The following FER1L6 variants were observed in gnomAD, a reference collection of about 807,000 sequenced individuals.
The protein encoded by FER1L6 is fer-1-like protein 6.
FER1L6 carries 177 observed loss-of-function variants against 219.2 expected under a neutral mutation model. The observed-to-expected ratio is 0.81, with a 90% confidence interval of 0.71 to 0.91. FER1L6 has a LOEUF of 0.91. FER1L6 is among the 40% of genes least tolerant of loss of function. FER1L6 has a pLI of 0.00. For missense variants in FER1L6, 2,153 were observed against 2,259.9 expected (o/e 0.95, Z 0.96); for synonymous variants, 768 against 824.3 (o/e 0.93, Z 1.17).
intron 1 of FER1L6, among the ~76,000 whole-genome samples, chr8:123,864,110 G>A (rs1484236714): frequency 5.0e-4 from 75 of 149,154 alleles, no homozygotes; most frequent in Non-Finnish European, 8.6e-4. Context: ...ATTTTGCAGC[G>A]GCTGGTACCG....
At chr8:123,977,751 G>T in intron 10 of FER1L6, 142 bp downstream of exon 10, 2 of 731,490 alleles carry the variant, frequency 2.7e-6, no homozygotes, top group South Asian at 3.7e-5. Flanking sequence ...ATTTTTCCAT[G>T]AATGGGTTGG....
At chr8:123,860,822 G>A (rs1816732802) in intron 1 of FER1L6, among the ~76,000 whole-genome samples, 1 of 134,018 alleles carries the variant, frequency 7.5e-6, no homozygotes, top group African/African-American at 3.1e-5. Context: ...ACTTTTTGAT[G>A]GGGTTGTTTG....
rs994690186 is a variant in FER1L6 at position 123,974,659 on chromosome 8, C to CAAAAAAA, written c.527-474_527-468dup. Among the ~76,000 whole-genome samples, 361 of 47,718 alleles carry CAAAAAAA rather than the reference C, an allele frequency of 7.6e-3. 12 individuals are homozygous for CAAAAAAA. Among genetic ancestry groups the CAAAAAAA allele is most frequent in the Admixed American group, 0.031 (123 of 4,010 alleles). 31.3% of individuals were successfully genotyped at this position (47,718 alleles called of 152,430 possible). On this transcript the variant is annotated intron_variant, in intron 7 of 40. Coordinates refer to ENST00000522917, the MANE Select transcript of FER1L6 (RefSeq NM_001039112.2). ...CAGGCATCACAGCGAGACTCTGTCT[C>CAAAAAAA]AAAAAAAAAAAAAAAAAAAAAAAGA...
chr8:123,864,909 C>A lies in FER1L6; in HGVS notation c.-8+12724C>A, dbSNP rs1359271201. 2.0e-5 allele frequency among the ~76,000 whole-genome samples: 3 copies of A among 150,838 alleles called. 1 individual carries two copies. Among genetic ancestry groups the A allele is most frequent in the African/African-American group, 5.0e-5 (2 of 40,216 alleles). ...AAATTTTTTTCAAAGTTTTCAACTTCTTTGCCTTTGGTTTGAATGTCCTCC... is the reference window on the plus strand; with the variant it reads ...AAATTTTTTTCAAAGTTTTCAACTTATTTGCCTTTGGTTTGAATGTCCTCC... On this transcript the variant is annotated intron_variant, in intron 1 of 40. Coordinates refer to ENST00000522917, the MANE Select transcript of FER1L6 (RefSeq NM_001039112.2).
intron 33 of FER1L6, among the ~76,000 whole-genome samples, chr8:124,087,134 TTTC>T (rs1268008894): frequency 3.3e-5 from 5 of 152,058 alleles, no homozygotes; most frequent in Non-Finnish European, 5.9e-5. Flanking sequence ...TTTCTCTTGG[TTTC>T]TTATTATCTC....
intron 1 of FER1L6, chr8:123,925,819 TCAGCTCCATGTA>T (rs1160291947): frequency 6.6e-6 from 1 of 152,198 alleles, no homozygotes. Flanking sequence ...CTTACAAACA[TCAGCTCCATGTA>T]CAGCTACATT....
intron 22 of FER1L6, 102 bp downstream of exon 22, chr8:124,049,858 C>A: frequency 8.4e-7 from 1 of 1,194,702 alleles, no homozygotes; most frequent in South Asian, 1.3e-5. Context: ...TGATCCCTCG[C>A]TGCAATCCCA....
Position 124,039,921 on chromosome 8 carries a change from C to T in FER1L6, c.2504C>T (p.Ala835Val). The stretch of plus-strand genomic sequence containing the variant: ...CAGCTGAGGGCTCACATGTACCAAG[C>T]CCGGGGCCTCATCGCAGCTGACAGC... ...VFQLRAHMYQ[A>V]RGLIAADSNG... The change falls in exon 20 of 41, where the codon GCC becomes GTC. Residue 835 changes from alanine (A) to valine (V), a missense_variant. Ala to Val is a moderately conservative substitution (Grantham distance 64). Transcript: ENST00000522917. 1 of 1,614,152 alleles carries T rather than the reference C, an allele frequency of 6.2e-7. No individual in the cohort carries two copies. Among genetic ancestry groups the T allele is most frequent in the Non-Finnish European group, 8.5e-7 (1 of 1,179,998 alleles).
intron 12 of FER1L6, among the ~76,000 whole-genome samples, chr8:123,997,608 CTCTG>C (rs1445053996): frequency 2.0e-5 from 3 of 152,132 alleles, no homozygotes; most frequent in Non-Finnish European, 4.4e-5. Context: ...CTACCCTGAT[CTCTG>C]TCTTTCTACC....
In FER1L6 at chr8:124,112,717, T is replaced by C. The variant is rs544704147; in HGVS notation, c.5290-6127T>C. On this transcript the variant is annotated intron_variant, in intron 39 of 40. Coordinates refer to ENST00000522917, the MANE Select transcript of FER1L6 (RefSeq NM_001039112.2). ...AGCATCTATTATGGCTACATACTTA[T>C]ATGTTATGTTCTAAAGTTTCAACAG... Among the ~76,000 whole-genome samples, 75 of 152,356 alleles carry C rather than the reference T, an allele frequency of 4.9e-4. 2 individuals are homozygous for C. The highest frequency in any genetic ancestry group is 8.7e-4 in the Non-Finnish European group (59 of 68,046).
rs1216349675 is a variant in FER1L6 at position 124,094,992 on chromosome 8, T to C, written c.4649T>C (p.Ile1550Thr). The change falls in exon 35 of 41, where the codon ATA becomes ACA. Residue 1550 changes from isoleucine (I) to threonine (T), a missense_variant. Ile to Thr is a moderately conservative substitution (Grantham distance 89). Transcript: ENST00000522917. Reference sequence around the variant, plus strand: ...GGGTGTAGGCTGGTTCCTGAACACATAGAAACTCGGCCACTGTACCACAAG... The same window carrying C: ...GGGTGTAGGCTGGTTCCTGAACACACAGAAACTCGGCCACTGTACCACAAG... ...EVGCRLVPEH[I>T]ETRPLYHKDK... 2 of 1,613,968 alleles carry C rather than the reference T, an allele frequency of 1.2e-6. No homozygotes were observed. Among genetic ancestry groups the C allele is most frequent in the African/African-American group, 1.3e-5 (1 of 74,906 alleles).
Position 124,106,954 on chromosome 8 carries a change from T to C in FER1L6, c.5289+3645T>C, listed in dbSNP as rs1247119547. On this transcript the variant is annotated intron_variant, in intron 39 of 40. Coordinates refer to ENST00000522917, the MANE Select transcript of FER1L6 (RefSeq NM_001039112.2). ...AGATTATAAGGTTTTCTTTTTTTTT[T>C]TTTTTTTTTTTTGAGACAGAGTCTC... 1.3e-4 allele frequency among the ~76,000 whole-genome samples: 19 copies of C among 149,114 alleles called. No individual in the cohort carries two copies. The South Asian group carries it at 3.0e-3, about 23-fold the overall frequency.
chr8:123,857,870 C>G (rs561146525), intron 1 of FER1L6, among the ~76,000 whole-genome samples: 1 of 152,208 alleles, frequency 6.6e-6, no homozygotes, highest in African/African-American at 2.4e-5. Context: ...TATATGTTCA[C>G]GTCTGTTCTC....
intron 14 of FER1L6, among the ~76,000 whole-genome samples, chr8:124,013,146 T>C (rs191278409): frequency 1.1e-4 from 16 of 152,328 alleles, no homozygotes; most frequent in Admixed American, 9.2e-4. Context: ...GGGTAGATTC[T>C]AAATAAATGG....
chr8:123,958,699 A>T (rs1483894921), intron 2 of FER1L6, among the ~76,000 whole-genome samples: 2 of 127,048 alleles, frequency 1.6e-5, no homozygotes, highest in African/African-American at 5.7e-5. Context: ...AAGTGCTATT[A>T]AAAAAAAACC....
chr8:123,976,684 C>A (rs1346147964), intron 9 of FER1L6, among the ~76,000 whole-genome samples: 4 of 152,042 alleles, frequency 2.6e-5, no homozygotes. Context: ...TTATTCAGTC[C>A]CCACATCCGG....
At chr8:124,010,806 C>T in intron 14 of FER1L6, 92 bp downstream of exon 14, 5 of 1,496,194 alleles carry the variant, frequency 3.3e-6, no homozygotes, top group Non-Finnish European at 4.5e-6. Context: ...ATGTTGACCT[C>T]AGTTCAAACA....
At chr8:123,966,776 TTC>T (rs1250063491) in intron 5 of FER1L6, among the ~76,000 whole-genome samples, 1 of 152,216 alleles carries the variant, frequency 6.6e-6, no homozygotes. Flanking sequence ...ACATGCTAAA[TTC>T]TCTTTTTAAA....
chr8:124,104,300 C>T (rs1287274851), intron 39 of FER1L6, among the ~76,000 whole-genome samples: 1 of 152,124 alleles, frequency 6.6e-6, no homozygotes, highest in Admixed American at 6.5e-5. Flanking sequence ...TTGTTGGATG[C>T]AAGAATGAAA....
Sources: allele counts gnomAD v4.1 joint callset (sites outside exome capture counted in the v4.1 genomes callset), GRCh38; gene constraint gnomAD v4.1.1; transcripts MANE v1.5; gene names NCBI Gene and HGNC (gene_info 2026-07-23, HGNC 2026-07-21).